Variants in ATG5 observed in about 807,000 individuals in gnomAD.
ATG5 encodes autophagy related 5.
ATG5 carries 14 observed loss-of-function variants against 36.5 expected under a neutral mutation model. The observed-to-expected ratio is 0.38, with a 90% CI of 0.25 to 0.60. ATG5 has a LOEUF of 0.60. Among genes scored for constraint, ATG5 ranks in the 20% least tolerant of loss-of-function variants. The probability of loss-of-function intolerance (pLI) is 0.60; values close to 1 mark genes in which losing one functional copy is unlikely to be tolerated. For missense variants in ATG5, 195 were observed against 326.7 expected, an observed-to-expected ratio of 0.60 and a Z score of 3.11; for synonymous variants, 95 against 101.5, an observed-to-expected ratio of 0.94 and a Z score of 0.38.
chr6:106,218,112 T>A (rs147791455), intron 6 of ATG5, among the ~76,000 whole-genome samples: 1 of 152,272 alleles, frequency 6.6e-6, no homozygotes, highest in East Asian at 1.9e-4. Flanking sequence ...AGGGGTTGAG[T>A]AAGGAGCATT....
chr6:106,215,973 C>T (rs950563501), intron 6 of ATG5, among the ~76,000 whole-genome samples: 13 of 152,140 alleles, frequency 8.5e-5, no homozygotes, highest in East Asian at 1.9e-4. Flanking sequence ...CTAAGAAATA[C>T]GAATGGCTAG....
chr6:106,217,606 A>T (rs1357358078), intron 6 of ATG5: 3 of 152,162 alleles, frequency 2.0e-5, no homozygotes, highest in African/African-American at 7.2e-5. Context: ...TGTGACCTGA[A>T]TGGGGAAGAG....
At chr6:106,281,711 C>A (rs1359783458) in intron 4 of ATG5, among the ~76,000 whole-genome samples, 1 of 152,152 alleles carries the variant, frequency 6.6e-6, no homozygotes, top group Non-Finnish European at 1.5e-5. Flanking sequence ...AATGCTGGGT[C>A]ATAGAGTAAG....
At chr6:106,305,091 CA>C (rs71756848) in intron 3 of ATG5, among the ~76,000 whole-genome samples, 40,594 of 118,400 alleles carry the variant, frequency 0.34, 5,682 homozygotes, top group African/African-American at 0.42. Flanking sequence ...AACTCCGTCT[CA>C]AAAAAAAAAA....
chr6:106,283,911 C>T (rs556875825), intron 4 of ATG5, among the ~76,000 whole-genome samples: 1 of 152,272 alleles, frequency 6.6e-6, no homozygotes, highest in South Asian at 2.1e-4. Context: ...GTTATTTATT[C>T]AATTAATATA....
At chr6:106,307,535 C>CT (rs34511184) in intron 3 of ATG5, among the ~76,000 whole-genome samples, 19,070 of 105,088 alleles carry the variant, frequency 0.18, 1,936 homozygotes, top group African/African-American at 0.27. Flanking sequence ...TTTCAATACC[C>CT]TTTTTTTTTT....
intron 5 of ATG5, among the ~76,000 whole-genome samples, chr6:106,264,288 T>C (rs982184942): frequency 1.3e-5 from 2 of 151,366 alleles, no homozygotes; most frequent in African/African-American, 4.9e-5. Flanking sequence ...GAACACAAGA[T>C]TAGAGAAAAA....
At chr6:106,201,275 ATG>A (rs138478446) in intron 7 of ATG5, among the ~76,000 whole-genome samples, 48,856 of 149,046 alleles carry the variant, frequency 0.33, 7,974 homozygotes, top group East Asian at 0.43. Flanking sequence ...TCAAGTGTAT[ATG>A]TGTGTGTGTG....
intron 3 of ATG5, among the ~76,000 whole-genome samples, chr6:106,293,332 CACAAT>C: frequency 6.6e-6 from 1 of 152,268 alleles, no homozygotes; most frequent in East Asian, 1.9e-4. Flanking sequence ...CCTCAATATG[CACAAT>C]AGGATTGTGG....
chr6:106,303,996 G>T (rs1377761564), intron 3 of ATG5, among the ~76,000 whole-genome samples: 1 of 148,420 alleles, frequency 6.7e-6, no homozygotes, highest in Non-Finnish European at 1.5e-5. Flanking sequence ...AAGAAGAAAA[G>T]AAATAAAAGG....
intron 5 of ATG5, among the ~76,000 whole-genome samples, chr6:106,275,438 A>G (rs951259853): frequency 6.6e-6 from 1 of 152,216 alleles, no homozygotes; most frequent in African/African-American, 2.4e-5. Flanking sequence ...TGTTAGCTCA[A>G]TTACAGTAGT....
intron 3 of ATG5, among the ~76,000 whole-genome samples, chr6:106,297,315 AAAG>A (rs1186504902): frequency 6.6e-5 from 10 of 152,334 alleles, no homozygotes; most frequent in Admixed American, 2.0e-4. Context: ...ATTTATATAA[AAAG>A]AAGACTGAAG....
At chr6:106,196,466 TAA>T (rs1201798994) in intron 7 of ATG5, among the ~76,000 whole-genome samples, 1 of 151,912 alleles carries the variant, frequency 6.6e-6, no homozygotes, top group Non-Finnish European at 1.5e-5. Flanking sequence ...ATGCAAAAAT[TAA>T]GAGAGTGAAC....
At chr6:106,311,695 C>T (rs1287969343) in intron 2 of ATG5, among the ~76,000 whole-genome samples, 1 of 152,036 alleles carries the variant, frequency 6.6e-6, no homozygotes, top group African/African-American at 2.4e-5. Context: ...GATGAAAAGC[C>T]ACAAAGGTTT....
At chr6:106,293,275 T>G (rs1177645714) in intron 3 of ATG5, among the ~76,000 whole-genome samples, 169 bp from the exon 4 acceptor site, 1 of 152,214 alleles carries the variant, frequency 6.6e-6, no homozygotes, top group Non-Finnish European at 1.5e-5. Context: ...TGATCTACTT[T>G]CCAGGCATCA....
intron 6 of ATG5, among the ~76,000 whole-genome samples, chr6:106,232,574 C>T (rs1295270418): frequency 6.6e-6 from 1 of 152,042 alleles, no homozygotes; most frequent in African/African-American, 2.4e-5. Flanking sequence ...TGCCTCCTTT[C>T]CCCACCAAAG....
At position 106,286,911 on chromosome 6, in the gene ATG5, G is replaced by A. The variant is rs139308440; in HGVS notation, c.315+6117C>T. 3.0e-3 allele frequency among the ~76,000 whole-genome samples: 462 copies of A among 152,198 alleles called. 2 individuals carry two copies. The highest frequency in any genetic ancestry group is 0.01 in the African/African-American group (420 of 41,522). On this transcript the variant is annotated intron_variant, in intron 4 of 7. Transcript: ENST00000369076. ...CTCAGTTGAACTTCCAGTTAAGAAC[G>A]CAGCCCAGCCAACACCCTGATGGCA...
intron 7 of ATG5, among the ~76,000 whole-genome samples, chr6:106,194,190 A>T (rs1413871721): frequency 6.6e-6 from 1 of 152,226 alleles, no homozygotes; most frequent in African/African-American, 2.4e-5. Context: ...CTGAAATTGT[A>T]AAACCCGCAA....
intron 6 of ATG5, among the ~76,000 whole-genome samples, chr6:106,215,984 T>C (rs909125741): frequency 6.6e-5 from 10 of 152,170 alleles, no homozygotes; most frequent in Non-Finnish European, 1.5e-4. Flanking sequence ...GAATGGCTAG[T>C]TAAATGCATG....
Sources: allele counts gnomAD v4.1 joint callset (sites outside exome capture counted in the v4.1 genomes callset), GRCh38; gene constraint gnomAD v4.1.1; transcripts MANE v1.5; gene names NCBI Gene and HGNC (gene_info 2026-07-23, HGNC 2026-07-21).